FLI1: variants seen among roughly 807,000 people sequenced by gnomAD.
FLI1 encodes the protein Friend leukemia integration 1 transcription factor.
Under a neutral mutation model 53.1 loss-of-function variants are expected in FLI1, and 13 were observed. The ratio of observed to expected loss-of-function variants is 0.24; its 90% CI spans 0.16 to 0.39. The LOEUF is 0.39. FLI1 is among the 10% of genes least tolerant of loss of function. FLI1 has a pLI of 1.00. For synonymous variants in FLI1, 244 were observed against 236.7 expected (o/e 1.03, Z -0.28); for missense variants, 424 against 600.5 (o/e 0.71, Z 3.07).
intron 1 of FLI1, among the ~76,000 whole-genome samples, chr11:128,731,175 A>G (rs1255159782): frequency 6.6e-6 from 1 of 152,236 alleles, no homozygotes; most frequent in African/African-American, 2.4e-5. Context: ...AGGTAGGGTG[A>G]GGCTGTGACC....
At chr11:128,773,183 T>A (rs1941628398) in intron 4 of FLI1, among the ~76,000 whole-genome samples, 198 bp downstream of exon 4, 1 of 152,006 alleles carries the variant, frequency 6.6e-6, no homozygotes, top group Non-Finnish European at 1.5e-5. Flanking sequence ...TCAAAGGAAG[T>A]AAGACGAGAA....
At chr11:128,775,448 C>A (rs1411202817) in intron 4 of FLI1, among the ~76,000 whole-genome samples, 1 of 151,784 alleles carries the variant, frequency 6.6e-6, no homozygotes, top group Non-Finnish European at 1.5e-5. Context: ...AGGCAAAAGG[C>A]TTTTAGATTC....
At chr11:128,716,793 T>C (rs2135728402) in intron 1 of FLI1, among the ~76,000 whole-genome samples, 1 of 152,218 alleles carries the variant, frequency 6.6e-6, no homozygotes, top group East Asian at 1.9e-4. Flanking sequence ...TTTGAGTGGG[T>C]GTGACCGCCA....
At chr11:128,714,880 T>C (rs968923465) in intron 1 of FLI1, among the ~76,000 whole-genome samples, 2 of 152,012 alleles carry the variant, frequency 1.3e-5, no homozygotes, top group African/African-American at 4.8e-5. Flanking sequence ...AGCTAATTTT[T>C]GTATTTTTAG....
chr11:128,783,538 G>A (rs1028279219), intron 5 of FLI1, among the ~76,000 whole-genome samples: 9 of 152,148 alleles, frequency 5.9e-5, no homozygotes, highest in African/African-American at 2.2e-4. Flanking sequence ...GAATTTCTAT[G>A]GATTCATTCT....
chr11:128,752,138 G>A (rs1334852449), intron 1 of FLI1, among the ~76,000 whole-genome samples: 1 of 151,968 alleles, frequency 6.6e-6, no homozygotes, highest in African/African-American at 2.4e-5. Flanking sequence ...ACCACACCTG[G>A]CTGAGTTTTG....
intron 1 of FLI1, among the ~76,000 whole-genome samples, chr11:128,725,431 C>G (rs1425317156): frequency 6.6e-6 from 1 of 152,158 alleles, no homozygotes; most frequent in Non-Finnish European, 1.5e-5. Flanking sequence ...TCACCACTCA[C>G]CTGTCAGCCT....
intron 5 of FLI1, among the ~76,000 whole-genome samples, chr11:128,794,456 C>T (rs1027824088): frequency 6.6e-6 from 1 of 152,086 alleles, no homozygotes; most frequent in African/African-American, 2.4e-5. Context: ...TTCTTTCTTT[C>T]ATCTATCTGG....
chr11:128,717,510 A>C (rs1427896798), intron 1 of FLI1, among the ~76,000 whole-genome samples: 1 of 152,170 alleles, frequency 6.6e-6, no homozygotes, highest in Non-Finnish European at 1.5e-5. Context: ...GGTCTACCCC[A>C]AAGGGCAGTT....
chr11:128,806,132 G>A (rs750978730), intron 6 of FLI1: 2 of 152,106 alleles, frequency 1.3e-5, no homozygotes, highest in African/African-American at 2.4e-5. Context: ...TCAAGAAAGA[G>A]GTTGGGGTTA....
chr11:128,691,557 G>C (rs554933847), upstream of FLI1: 4 of 152,308 alleles, frequency 2.6e-5, no homozygotes, highest in East Asian at 3.9e-4. Context: ...CGGGGTGCCT[G>C]TGTCTATGCA....
intron 1 of FLI1, among the ~76,000 whole-genome samples, chr11:128,700,762 T>C (rs1244609340): frequency 6.6e-6 from 1 of 152,156 alleles, no homozygotes; most frequent in Non-Finnish European, 1.5e-5. Flanking sequence ...TAGTCCCAGC[T>C]GCTCAGGGAG....
chr11:128,760,097 A>G (rs941275034), intron 2 of FLI1, among the ~76,000 whole-genome samples: 1 of 152,108 alleles, frequency 6.6e-6, no homozygotes, highest in Admixed American at 6.5e-5. Flanking sequence ...CCTCAGATGA[A>G]TCTCTCTCCA....
At chr11:128,785,441 G>A (rs1942050656) in intron 5 of FLI1, among the ~76,000 whole-genome samples, 1 of 151,356 alleles carries the variant, frequency 6.6e-6, no homozygotes, top group Non-Finnish European at 1.5e-5. Flanking sequence ...CTACTAGATG[G>A]CAGAGCAAGG....
intron 1 of FLI1, among the ~76,000 whole-genome samples, chr11:128,711,614 C>T (rs538467235): frequency 1.3e-5 from 2 of 152,252 alleles, no homozygotes; most frequent in African/African-American, 2.4e-5. Context: ...TGCCCTATAC[C>T]TTTTCATTGA....
At position 128,807,513 on chromosome 11, in the gene FLI1, G is replaced by A. The variant is rs150646509; in HGVS notation, c.781+274G>A. Among the ~76,000 whole-genome samples, 410 of 152,308 alleles carry A rather than the reference G, an allele frequency of 2.7e-3. 1 individual carries two copies. The highest frequency in any genetic ancestry group is 9.1e-3 in the African/African-American group (377 of 41,568). On this transcript the variant is annotated intron_variant, in intron 7 of 8. Coordinates refer to ENST00000527786, the MANE Select transcript of FLI1 (RefSeq NM_002017.5). ...TAAAGAAACTGAGGCCCGGGGAGGT[G>A]AAGTGACTTGCTAAAAACCATACAG...
chr11:128,765,535 G>C (rs545446924), intron 2 of FLI1, among the ~76,000 whole-genome samples: 11 of 152,148 alleles, frequency 7.2e-5, no homozygotes, highest in Non-Finnish European at 1.6e-4. Flanking sequence ...CCTGCCCCCT[G>C]CTGTAGTTCT....
At chr11:128,809,432 C>T (rs986960040) in intron 8 of FLI1, among the ~76,000 whole-genome samples, 1 of 152,150 alleles carries the variant, frequency 6.6e-6, no homozygotes, top group African/African-American at 2.4e-5. Context: ...AACACATCAG[C>T]ACTGCACATG....
In FLI1 at chr11:128,764,997, G is replaced by A. The variant is rs1450673651; in HGVS notation, c.231-3121G>A. ...CCAGAGGAGAAACACCCTGGCGGGC[G>A]AGCGGCCAAACCGATCACCTGTCCA... On this transcript the variant is annotated intron_variant, in intron 2 of 8. Transcript: ENST00000527786. Among the ~76,000 whole-genome samples the A allele has an allele frequency of 2.0e-5, 3 of 151,864 alleles. No individual in the cohort carries two copies. In the East Asian group the frequency reaches 5.8e-4, roughly 29 times the overall value.
Sources: allele counts gnomAD v4.1 joint callset (sites outside exome capture counted in the v4.1 genomes callset), GRCh38; gene constraint gnomAD v4.1.1; transcripts MANE v1.5; gene names NCBI Gene and HGNC (gene_info 2026-07-23, HGNC 2026-07-21).